FUT8: variants seen among roughly 807,000 people sequenced by gnomAD.
FUT8 encodes the protein fucosyltransferase 8.
A neutral mutation model predicts 71.3 loss-of-function variants in FUT8; 29 were observed. That is an observed-to-expected ratio of 0.41 (90% CI 0.30 to 0.55). The LOEUF (loss-of-function observed/expected upper bound fraction) is 0.55. Ranked by LOEUF, FUT8 falls within the 20% of genes least tolerant of loss-of-function variation. The probability of loss-of-function intolerance (pLI) is 0.34; values close to 1 mark genes in which losing one functional copy is unlikely to be tolerated. For synonymous variants in FUT8, 254 were observed against 239.3 expected, an observed-to-expected ratio of 1.06 and a Z score of -0.57; for missense variants, 544 against 702.1, an observed-to-expected ratio of 0.77 and a Z score of 2.55.
In FUT8 at chr14:65,601,372, A is replaced by G. The variant is rs74058529; in HGVS notation, c.204-14606A>G. 8.0e-3 allele frequency among the ~76,000 whole-genome samples: 1,214 copies of G among 152,280 alleles called. 9 individuals carry two copies. The highest frequency in any genetic ancestry group is 0.024 in the African/African-American group (1,009 of 41,560). On this transcript the variant is annotated intron_variant, in intron 3 of 10. Transcript: ENST00000673929. Reference sequence around the variant, plus strand: ...CTTTTGCTGGGAATATTTCAGTCCTATGGGTGACCACTTAAAATTCCAACC... The same window carrying G: ...CTTTTGCTGGGAATATTTCAGTCCTGTGGGTGACCACTTAAAATTCCAACC...
chr14:65,432,803 T>C (rs898371006), intron 1 of FUT8, among the ~76,000 whole-genome samples: 7 of 152,194 alleles, frequency 4.6e-5, no homozygotes, highest in African/African-American at 1.7e-4. Context: ...GAAGTTACCC[T>C]GTATGGTCTA....
chr14:65,383,361 G>A, the FUT8 span, among the ~76,000 whole-genome samples: 5 of 133,170 alleles, frequency 3.8e-5, 1 homozygote, highest in South Asian at 5.2e-4. Flanking sequence ...CGCAATCGCC[G>A]CCTCCGAGGT....
rs1594676622 is a variant in FUT8, at chr14:65,477,174, C to T, written c.-228+21456C>T. On this transcript the variant is annotated intron_variant, in intron 2 of 10. Coordinates refer to ENST00000673929, the MANE Select transcript of FUT8 (RefSeq NM_001371533.1). ...GTAAAGCAGGTGTGTGGTCTGACTC[C>T]TGACTTGGTCACTTAAGATCTGTGC... Among the ~76,000 whole-genome samples, 3 of 152,282 alleles carry T rather than the reference C, an allele frequency of 2.0e-5. No individual in the cohort carries two copies. In the South Asian group the frequency reaches 6.2e-4, roughly 32 times the overall value.
chr14:65,571,860 T>C (rs565905417), intron 3 of FUT8, among the ~76,000 whole-genome samples: 5 of 152,252 alleles, frequency 3.3e-5, no homozygotes, highest in African/African-American at 9.6e-5. Context: ...TATAGCATTG[T>C]TACCTGTTTT....
intron 3 of FUT8, among the ~76,000 whole-genome samples, chr14:65,576,178 G>A (rs1886765922): frequency 6.6e-6 from 1 of 152,132 alleles, no homozygotes; most frequent in African/African-American, 2.4e-5. Context: ...ACCTTTCTCT[G>A]TTTTTTGTTT....
chr14:65,705,961 A>G (rs1401931961), intron 7 of FUT8, among the ~76,000 whole-genome samples: 2 of 152,220 alleles, frequency 1.3e-5, no homozygotes, highest in Non-Finnish European at 2.9e-5. Context: ...TTGGCAAATA[A>G]TCTCTTCCTA....
chr14:65,488,819 A>G (rs1249432462), intron 2 of FUT8, among the ~76,000 whole-genome samples: 1 of 152,090 alleles, frequency 6.6e-6, no homozygotes, highest in African/African-American at 2.4e-5. Context: ...CATATTTAGG[A>G]TTATTGGGGC....
At chr14:65,514,987 A>G (rs1332165524) in intron 2 of FUT8, among the ~76,000 whole-genome samples, 2 of 148,410 alleles carry the variant, frequency 1.3e-5, no homozygotes, top group African/African-American at 4.9e-5. Context: ...CATTAGTAAT[A>G]TTTGGATTTC....
At chr14:65,482,279 G>A (rs558978686) in intron 2 of FUT8, among the ~76,000 whole-genome samples, 1 of 151,660 alleles carries the variant, frequency 6.6e-6, no homozygotes, top group Non-Finnish European at 1.5e-5. Flanking sequence ...GACTGTATAC[G>A]CGTGGGTTTA....
intron 1 of FUT8, among the ~76,000 whole-genome samples, chr14:65,423,876 A>G (rs1426493232): frequency 2.0e-5 from 3 of 152,194 alleles, no homozygotes. Context: ...AACGTGCACA[A>G]TTTTTGCATC....
In FUT8 at chr14:65,713,519, A is replaced by G. The variant is rs563709510; in HGVS notation, c.836-8256A>G. Among the ~76,000 whole-genome samples, 3 of 152,272 alleles carry G rather than the reference A, an allele frequency of 2.0e-5. No individual in the cohort carries two copies. The East Asian group carries it at 5.8e-4, about 29-fold the overall frequency. ...GTTGTACTAATTTACATTCCCACCA[A>G]CAGTGTATGAGGGTTCCCTTTTCTG... On this transcript the variant is annotated intron_variant, in intron 7 of 10. Coordinates refer to ENST00000673929, the MANE Select transcript of FUT8 (RefSeq NM_001371533.1).
chr14:65,407,056 T>C (rs1414868408), upstream of FUT8, among the ~76,000 whole-genome samples: 1 of 152,196 alleles, frequency 6.6e-6, no homozygotes, highest in African/African-American at 2.4e-5. Flanking sequence ...GCAGACTCGG[T>C]TCATCTGGGC....
intron 5 of FUT8, 34 bp from the exon 6 acceptor site, chr14:65,629,458 C>A: frequency 7.2e-7 from 1 of 1,381,584 alleles, no homozygotes; most frequent in Non-Finnish European, 1.0e-6. Flanking sequence ...GCAGTACAGA[C>A]AAGTTCGATC....
chr14:65,624,182 G>A (rs1274462115), intron 5 of FUT8, among the ~76,000 whole-genome samples: 1 of 152,048 alleles, frequency 6.6e-6, no homozygotes, highest in Admixed American at 6.5e-5. Context: ...GAGAGGCCGA[G>A]AAACAAAAGA....
At chr14:65,577,892 A>G (rs1437571141) in intron 3 of FUT8, among the ~76,000 whole-genome samples, 6 of 152,122 alleles carry the variant, frequency 3.9e-5, no homozygotes, top group African/African-American at 1.4e-4. Context: ...TATGATTTTT[A>G]AAACTGATGC....
At chr14:65,383,535 G>A in the FUT8 span, among the ~76,000 whole-genome samples, 20,863 of 152,150 alleles carry the variant, frequency 0.14, 1,934 homozygotes, top group African/African-American at 0.25. Flanking sequence ...CTCCCAAAGT[G>A]CTGGGATTAC....
intron 2 of FUT8, among the ~76,000 whole-genome samples, chr14:65,535,662 C>T (rs896595231): frequency 7.2e-5 from 11 of 152,020 alleles, no homozygotes; most frequent in East Asian, 3.9e-4. Flanking sequence ...GTATGATTTC[C>T]GCTCTTTTGC....
intron 1 of FUT8, among the ~76,000 whole-genome samples, chr14:65,446,558 G>A (rs144240413): frequency 1.2e-3 from 187 of 151,990 alleles, no homozygotes; most frequent in African/African-American, 4.2e-3. Flanking sequence ...ATCACTGTTT[G>A]GTTATTAAAT....
chr14:65,593,669 G>T (rs753931560), intron 3 of FUT8, among the ~76,000 whole-genome samples: 1 of 151,844 alleles, frequency 6.6e-6, no homozygotes, highest in African/African-American at 2.4e-5. Context: ...TCTGCCTCCT[G>T]GGTTCAAGAG....
Sources: gnomAD v4.1 joint callset for allele counts (sites outside exome capture counted in the v4.1 genomes callset) on GRCh38, gnomAD v4.1.1 for gene constraint, MANE v1.5 for transcripts, NCBI Gene and HGNC (gene_info 2026-07-23, HGNC 2026-07-21) for gene names.